ASIC2: variants seen among roughly 807,000 people sequenced by gnomAD.
ASIC2 encodes acid-sensing ion channel 2.
ASIC2 carries 25 observed loss-of-function variants against 57.3 expected under a neutral mutation model. The observed-to-expected ratio is 0.44, with a 90% CI of 0.32 to 0.61. The LOEUF (loss-of-function observed/expected upper bound fraction) is 0.61. Ranked by LOEUF, ASIC2 falls within the 20% of genes least tolerant of loss-of-function variation. The probability of loss-of-function intolerance (pLI) is 0.06; values close to 1 mark genes in which losing one functional copy is unlikely to be tolerated. For missense variants in ASIC2, 641 were observed against 738.1 expected (o/e 0.87, Z 1.52); for synonymous variants, 319 against 307.5 (o/e 1.04, Z -0.39).
At position 33,130,198 on chromosome 17, in the gene ASIC2, G is replaced by T. The variant is rs2092340145; in HGVS notation, c.709-18131C>A. Among the ~76,000 whole-genome samples, 6 of 152,114 alleles carry T rather than the reference G, an allele frequency of 3.9e-5. No individual in the cohort carries two copies. In the South Asian group the frequency reaches 1.0e-3, roughly 26 times the overall value. On this transcript the variant is annotated intron_variant, in intron 1 of 9. Transcript: ENST00000225823. ...AAATTTCCCAAAACAATACAGGTAA[G>T]GTTTGTGCAGGTCAATGTACATGAA...
At chr17:33,851,147 C>T (rs1913753036) in intron 1 of ASIC2, among the ~76,000 whole-genome samples, 1 of 152,188 alleles carries the variant, frequency 6.6e-6, no homozygotes, top group Admixed American at 6.5e-5. Flanking sequence ...AGTTTAAAGA[C>T]TGTAGGTTTT....
intron 1 of ASIC2, among the ~76,000 whole-genome samples, chr17:33,138,597 G>C (rs1307508615): frequency 1.3e-5 from 2 of 152,126 alleles, no homozygotes. Context: ...ACATCCCTTT[G>C]CTCCAGCCCC....
intron 1 of ASIC2, among the ~76,000 whole-genome samples, chr17:33,732,826 C>T (rs967453474): frequency 6.6e-6 from 1 of 152,072 alleles, no homozygotes; most frequent in African/African-American, 2.4e-5. Flanking sequence ...TTAGTAGAGA[C>T]AGGGTTTCAC....
At chr17:33,907,129 C>T (rs1177794380) in intron 1 of ASIC2, among the ~76,000 whole-genome samples, 1 of 152,094 alleles carries the variant, frequency 6.6e-6, no homozygotes, top group Non-Finnish European at 1.5e-5. Context: ...ACCCAATAGG[C>T]CAGGCATCAG....
chr17:33,366,065 G>A (rs938718590), intron 1 of ASIC2, among the ~76,000 whole-genome samples: 5 of 152,208 alleles, frequency 3.3e-5, no homozygotes, highest in African/African-American at 1.2e-4. Context: ...TGGCAAGGCT[G>A]CTCTAAGAAC....
intron 1 of ASIC2, among the ~76,000 whole-genome samples, chr17:33,426,854 TG>T (rs1911237898): frequency 6.6e-6 from 1 of 152,008 alleles, no homozygotes; most frequent in African/African-American, 2.4e-5. Context: ...AATGATATGA[TG>T]GGAAAAAACA....
rs561576546 is a variant in ASIC2 at position 34,146,637 on chromosome 17, GC to G, written c.555+9340del. 621 of 152,322 alleles carry G rather than the reference GC, an allele frequency of 4.1e-3. 2 individuals carry two copies. The highest frequency in any genetic ancestry group is 6.2e-3 in the Non-Finnish European group (425 of 68,048). 9.4% of individuals were successfully genotyped at this position (152,322 alleles called of 1,614,324 possible). A position where few individuals can be genotyped will look rare whatever the true frequency, so the allele number is the denominator to read the frequency against. ...GTCAGTCAGTCACTGGCCACTGGCT[GC>G]CCCCAGGTGGTGGGGAGGTGAATAA... On this transcript the variant is annotated intron_variant, in intron 1 of 9. Transcript: ENST00000359872.
rs1905573851 is a variant in ASIC2, at chr17:33,293,107, C to G, written c.-992G>C. 1 of 890,522 alleles carries G rather than the reference C, an allele frequency of 1.1e-6. No homozygotes were observed. The highest frequency in any genetic ancestry group is 1.8e-5 in the African/African-American group (1 of 55,302). The allele number at this position is 890,522 out of a possible 1,614,324, so 55.2% of individuals were successfully genotyped here. On this transcript the variant is annotated 5_prime_UTR_variant, in exon 1 of 10. Transcript: ENST00000225823. ...ACACCTCCCGGGGGTGACCCGGACT[C>G]GCTGCTCCGCGCGCCCTTCTCCTCT...
chr17:33,748,103 T>C (rs927793289), intron 1 of ASIC2, among the ~76,000 whole-genome samples: 3 of 152,240 alleles, frequency 2.0e-5, no homozygotes, highest in Admixed American at 2.0e-4. Context: ...GAGTTGAGCT[T>C]TGAGCCCACT....
intron 1 of ASIC2, among the ~76,000 whole-genome samples, chr17:33,418,980 A>G (rs1303385747): frequency 6.6e-6 from 1 of 152,132 alleles, no homozygotes. Flanking sequence ...GAGGGATAGC[A>G]TTAGGAGAAA....
chr17:33,358,536 T>C (rs1908476308), intron 1 of ASIC2, among the ~76,000 whole-genome samples: 1 of 152,142 alleles, frequency 6.6e-6, no homozygotes. Context: ...GTGCTGGGCA[T>C]TGAGTTGCAA....
intron 1 of ASIC2, among the ~76,000 whole-genome samples, chr17:33,320,306 T>G (rs1906819891): frequency 6.6e-6 from 1 of 152,182 alleles, no homozygotes; most frequent in Admixed American, 6.5e-5. Flanking sequence ...TGTTGAGGCA[T>G]TCTTATTTCA....
At chr17:33,016,637 G>A (rs936900006) in intron 8 of ASIC2, among the ~76,000 whole-genome samples, 1 of 152,104 alleles carries the variant, frequency 6.6e-6, no homozygotes, top group Non-Finnish European at 1.5e-5. Context: ...GTGCTGAGAC[G>A]CATGAGATTC....
chr17:33,193,686 G>A (rs1906517935), intron 1 of ASIC2, among the ~76,000 whole-genome samples: 2 of 152,144 alleles, frequency 1.3e-5, no homozygotes, highest in Admixed American at 1.3e-4. Context: ...CTAGGCCTGG[G>A]GATCTTGTTA....
At chr17:33,425,150 C>T (rs192815594) in intron 1 of ASIC2, among the ~76,000 whole-genome samples, 1 of 152,284 alleles carries the variant, frequency 6.6e-6, no homozygotes, top group East Asian at 1.9e-4. Context: ...GTTACACAGC[C>T]AGTAATTAAA....
chr17:33,957,501 G>T (rs543150879), intron 1 of ASIC2, among the ~76,000 whole-genome samples: 6 of 152,250 alleles, frequency 3.9e-5, no homozygotes, highest in Middle Eastern at 6.8e-3. Context: ...GAAGGCAAAG[G>T]AGTAACAAAG....
At chr17:34,131,520 G>A (rs1040480573) in intron 1 of ASIC2, among the ~76,000 whole-genome samples, 5 of 152,152 alleles carry the variant, frequency 3.3e-5, no homozygotes, top group East Asian at 3.9e-4. Context: ...CTCCAGGGCT[G>A]AGCTGTCACC....
intron 1 of ASIC2, among the ~76,000 whole-genome samples, chr17:34,020,857 G>A (rs1039438658): frequency 6.6e-6 from 1 of 152,150 alleles, no homozygotes; most frequent in African/African-American, 2.4e-5. Context: ...CTGACCTACA[G>A]AAACTGAGAT....
At chr17:33,941,721 G>A (rs1313651546) in intron 1 of ASIC2, among the ~76,000 whole-genome samples, 1 of 152,186 alleles carries the variant, frequency 6.6e-6, no homozygotes, top group Admixed American at 6.5e-5. Flanking sequence ...AAAGAATAAA[G>A]GAATGAAAAG....
Sources: gnomAD v4.1 joint callset for allele counts (sites outside exome capture counted in the v4.1 genomes callset) on GRCh38, gnomAD v4.1.1 for gene constraint, MANE v1.5 for transcripts, NCBI Gene and HGNC (gene_info 2026-07-23, HGNC 2026-07-21) for gene names.